Variants in ACSM3 observed in about 807,000 individuals in gnomAD.
ACSM3 encodes the protein acyl-coenzyme A synthetase ACSM3, mitochondrial.
A neutral mutation model predicts 74.1 loss-of-function variants in ACSM3; 61 were observed. The observed-to-expected ratio is 0.82, with a 90% CI of 0.67 to 1.02. The LOEUF (loss-of-function observed/expected upper bound fraction) is 1.02. ACSM3 is among the 50% of genes least tolerant of loss of function. ACSM3 has a pLI of 0.00. For synonymous variants in ACSM3, 213 were observed against 241.5 expected (o/e 0.88, Z 1.09); for missense variants, 660 against 697.0 (o/e 0.95, Z 0.60).
intron 4 of ACSM3, 81 bp downstream of exon 4, chr16:20,777,661 G>A (rs2152462204): frequency 7.9e-7 from 1 of 1,268,082 alleles, no homozygotes; most frequent in East Asian, 2.5e-5. Flanking sequence ...GCAGTGATTA[G>A]AAAAATGCAA....
chr16:20,726,462 T>C (rs1370874994), intron 1 of ACSM3, among the ~76,000 whole-genome samples: 1 of 152,248 alleles, frequency 6.6e-6, no homozygotes, highest in African/African-American at 2.4e-5. Context: ...CCCTAGTCAG[T>C]GTCAACGCCT....
At chr16:20,754,615 C>T (rs1424071989) in intron 2 of ACSM3, among the ~76,000 whole-genome samples, 1 of 152,198 alleles carries the variant, frequency 6.6e-6, no homozygotes, top group Non-Finnish European at 1.5e-5. Flanking sequence ...CCCTGAATTA[C>T]TTCCCATTTG....
intron 1 of ACSM3, chr16:20,741,715 T>C (rs1240935740): frequency 1.3e-6 from 2 of 1,576,872 alleles, no homozygotes; most frequent in Non-Finnish European, 1.7e-6. Context: ...CCAGGCTGAG[T>C]AGTCTGCTGG....
At chr16:20,778,040 A>G (rs2080277554) in intron 4 of ACSM3, among the ~76,000 whole-genome samples, 1 of 152,206 alleles carries the variant, frequency 6.6e-6, no homozygotes, top group South Asian at 2.1e-4. Flanking sequence ...CAAGACCTTT[A>G]ACAAAGCCAC....
At position 20,791,056 on chromosome 16, in the gene ACSM3, C is replaced by G. The variant is rs569285428; in HGVS notation, c.1326+368C>G. The G allele has an allele frequency of 5.2e-5, 49 of 939,936 alleles. No homozygotes were observed. In the Admixed American group the frequency reaches 7.5e-4, roughly 14 times the overall value. The allele number at this position is 939,936 out of a possible 1,614,324, so 58.2% of individuals were successfully genotyped here. ...GGAAGAGTGAGAGGGACAGGGGATG[C>G]GGGGGTGGTGGGATTAAGCAAATGT... On this transcript the variant is annotated intron_variant, in intron 10 of 13. Coordinates refer to ENST00000289416, the MANE Select transcript of ACSM3 (RefSeq NM_005622.4).
At chr16:20,796,282 A>T (rs2080721926) in intron 12 of ACSM3, 88 bp from the exon 13 acceptor site, 1 of 1,544,356 alleles carries the variant, frequency 6.5e-7, no homozygotes, top group African/African-American at 1.4e-5. Context: ...CCCACCAGGC[A>T]TGTAGATTCT....
At chr16:20,772,081 A>ATTTGT (rs903581603) in intron 2 of ACSM3, among the ~76,000 whole-genome samples, 31 of 152,040 alleles carry the variant, frequency 2.0e-4, no homozygotes, top group Middle Eastern at 3.4e-3. Flanking sequence ...TAATTGAATT[A>ATTTGT]TTTGTTTTGT....
intron 1 of ACSM3, chr16:20,736,512 G>A (rs1419599904): frequency 1.0e-5 from 2 of 197,718 alleles, no homozygotes; most frequent in African/African-American, 4.6e-5. Flanking sequence ...AGACAGCTGA[G>A]CTGTGGCATG....
intron 2 of ACSM3, among the ~76,000 whole-genome samples, chr16:20,771,367 G>A (rs1404332013): frequency 1.5e-5 from 2 of 131,460 alleles, no homozygotes; most frequent in East Asian, 4.2e-4. Flanking sequence ...GCCAGGCCGA[G>A]CTCCTTTTTT....
upstream of ACSM3, among the ~76,000 whole-genome samples, chr16:20,759,899 A>C (rs1266323002): frequency 1.3e-5 from 2 of 152,084 alleles, no homozygotes; most frequent in Non-Finnish European, 2.9e-5. Flanking sequence ...TCAAAAATAA[A>C]ATTCTAAGCC....
At chr16:20,763,354 G>GTTAATAAAGTGAT, upstream of ACSM3, among the ~76,000 whole-genome samples, 1 of 152,334 alleles carries the variant, frequency 6.6e-6, no homozygotes, top group Admixed American at 6.5e-5. Flanking sequence ...AATTTGGCCA[G>GTTAATAAAGTGAT]GGGGATATCT....
At chr16:20,690,908 T>C (rs1365174589) in intron 1 of ACSM3, 2 of 1,288,644 alleles carry the variant, frequency 1.6e-6, no homozygotes, top group Non-Finnish European at 2.1e-6. Flanking sequence ...GAAGTAACTT[T>C]GGTTCCATAC....
intron 1 of ACSM3, chr16:20,737,358 G>A: frequency 6.8e-7 from 1 of 1,470,986 alleles, no homozygotes; most frequent in East Asian, 2.3e-5. Flanking sequence ...AAAATCTTTT[G>A]TCTCTGTTTC....
In ACSM3 at chr16:20,797,368, GT is replaced by G; in HGVS notation, c.*401del. The G allele has an allele frequency of 1.0e-6, 1 of 990,768 alleles. No homozygotes were observed. Among genetic ancestry groups the G allele is most frequent in the African/African-American group, 1.7e-5 (1 of 57,896 alleles). 61.4% of individuals were successfully genotyped at this position (990,768 alleles called of 1,614,324 possible). On this transcript the variant is annotated 3_prime_UTR_variant, in exon 14 of 14. Transcript: ENST00000289416. The stretch of plus-strand genomic sequence containing the variant: ...AAATAAAACTAAAGAACTTATAAAA[GT>G]TTTTAGAAAAATATAAAATATCAGT...
At chr16:20,691,119 G>A (rs776565903) in intron 1 of ACSM3, 4 of 1,613,440 alleles carry the variant, frequency 2.5e-6, no homozygotes, top group African/African-American at 2.7e-5. Flanking sequence ...AGCTGTGAAG[G>A]GGCAGGGTGG....
intron 1 of ACSM3, among the ~76,000 whole-genome samples, chr16:20,690,484 G>T (rs1254839654): frequency 6.6e-6 from 1 of 152,166 alleles, no homozygotes; most frequent in Non-Finnish European, 1.5e-5. Context: ...TGACAAGGAG[G>T]AATCTAATTA....
At position 20,790,728 on chromosome 16, in the gene ACSM3, C is replaced by A; in HGVS notation, c.1326+40C>A. On this transcript the variant is annotated intron_variant, in intron 10 of 13. Coordinates refer to ENST00000289416, the MANE Select transcript of ACSM3 (RefSeq NM_005622.4). This position sits in a 1 kb window ranked among gnomAD's most constrained non-coding sequence, Gnocchi z 4.0. ...AAATAATCTCATTTTCTATTTATTT[C>A]TCAAGTGCTTGGTAACAATCCCTGT... 6.2e-6 allele frequency: 10 copies of A among 1,613,908 alleles called. No individual in the cohort carries two copies. Among genetic ancestry groups the A allele is most frequent in the Non-Finnish European group, 8.5e-6 (10 of 1,179,846 alleles).
intron 1 of ACSM3, among the ~76,000 whole-genome samples, chr16:20,675,859 C>A (rs575707384): frequency 1.1e-4 from 16 of 152,294 alleles, no homozygotes; most frequent in Middle Eastern, 3.4e-3. Flanking sequence ...AAACCAGCTG[C>A]GCTGGCGGCT....
At chr16:20,766,632 AG>A (rs2080128888) in intron 1 of ACSM3, 1 of 152,258 alleles carries the variant, frequency 6.6e-6, no homozygotes, top group Admixed American at 6.5e-5. Context: ...AGGCTGAGGC[AG>A]GAGGATCGCT....
Sources: gnomAD v4.1 joint callset for allele counts (sites outside exome capture counted in the v4.1 genomes callset) on GRCh38, gnomAD v4.1.1 for gene constraint, Gnocchi (gnomAD v3.1) non-coding constraint, MANE v1.5 for transcripts, NCBI Gene and HGNC (gene_info 2026-07-23, HGNC 2026-07-21) for gene names.